FRMD6: variants seen among roughly 807,000 people sequenced by gnomAD.
FRMD6 encodes FERM domain containing 6, also known as FERM domain-containing protein 6.
Under a neutral mutation model 73.2 loss-of-function variants are expected in FRMD6, and 37 were observed. The observed-to-expected ratio is 0.51, with a 90% CI of 0.39 to 0.66. The LOEUF is 0.66. Ranked by LOEUF, FRMD6 falls within the 30% of genes least tolerant of loss-of-function variation. The probability of loss-of-function intolerance (pLI) is 0.00; values close to 1 mark genes in which losing one functional copy is unlikely to be tolerated. For missense variants in FRMD6, 714 were observed against 780.5 expected (o/e 0.91, Z 1.02); for synonymous variants, 273 against 282.2 (o/e 0.97, Z 0.33).
At chr14:51,652,415 C>T (rs991048747) in intron 1 of FRMD6, among the ~76,000 whole-genome samples, 1 of 152,302 alleles carries the variant, frequency 6.6e-6, no homozygotes, top group East Asian at 1.9e-4. Context: ...CGCGGAGGTC[C>T]CCGGATCACA....
chr14:51,593,291 C>T (rs1425559257), intron 2 of FRMD6, among the ~76,000 whole-genome samples: 1 of 152,200 alleles, frequency 6.6e-6, no homozygotes, highest in Admixed American at 6.5e-5. Context: ...AATGTAGCCT[C>T]TAATGCAGCC....
At position 51,704,922 on chromosome 14, in the gene FRMD6, A is replaced by G; in HGVS notation, c.545A>G (p.Tyr182Cys). 1 of 1,606,368 alleles carries G rather than the reference A, an allele frequency of 6.2e-7. No individual in the cohort carries two copies. The highest frequency in any genetic ancestry group is 8.5e-7 in the Non-Finnish European group (1 of 1,174,332). The change falls in exon 6 of 14, where the codon TAC (tyrosine) becomes TGC (cysteine). Residue 182 changes from tyrosine (Y) to cysteine (C), a missense_variant. Physicochemically the swap from Tyr to Cys is radical, Grantham distance 194. Transcript: ENST00000344768. ...HYGKYFEPEAYFPSWVVSKRG... is the reference protein window; with the variant it reads ...HYGKYFEPEACFPSWVVSKRG... ...GGAAAATACTTCGAGCCAGAGGCTT[A>G]CTTCCCATCTTGGGTAAGCACTGTT...
intron 1 of FRMD6, among the ~76,000 whole-genome samples, chr14:51,508,315 C>G (rs1884094290): frequency 6.6e-6 from 1 of 152,240 alleles, no homozygotes; most frequent in Non-Finnish European, 1.5e-5. Context: ...AGCAATTTAG[C>G]CAGAGTCTGT....
chr14:51,430,077 C>T, the FRMD6 span, among the ~76,000 whole-genome samples: 2 of 152,224 alleles, frequency 1.3e-5, no homozygotes, highest in African/African-American at 4.8e-5. Context: ...TGCATTCTTT[C>T]ATTCCATAAG....
intron 2 of FRMD6, among the ~76,000 whole-genome samples, chr14:51,622,259 C>G (rs1890953493): frequency 6.6e-6 from 1 of 152,192 alleles, no homozygotes; most frequent in Admixed American, 6.5e-5. Flanking sequence ...CCCAAATTTC[C>G]AATCCTTCAG....
At chr14:51,457,382 C>T in the FRMD6 span, among the ~76,000 whole-genome samples, 3,697 of 151,854 alleles carry the variant, frequency 0.024, 122 homozygotes, top group African/African-American at 0.078. Context: ...AGAAGAAAAA[C>T]GAACCAATGA....
chr14:51,488,597 GA>G (rs1053845010), upstream of FRMD6, among the ~76,000 whole-genome samples: 13 of 152,138 alleles, frequency 8.5e-5, no homozygotes, highest in African/African-American at 3.1e-4. Context: ...CCTTATCTTT[GA>G]AATGTCTTCT....
intron 2 of FRMD6, among the ~76,000 whole-genome samples, chr14:51,574,349 T>G (rs1168820014): frequency 2.6e-5 from 4 of 152,232 alleles, no homozygotes; most frequent in Non-Finnish European, 5.9e-5. Context: ...CCACAGAGCC[T>G]TTAAAGCTAC....
chr14:51,467,237 A>G, the FRMD6 span, among the ~76,000 whole-genome samples: 1 of 104,140 alleles, frequency 9.6e-6, no homozygotes, highest in Non-Finnish European at 2.0e-5. Context: ...TAATCCATTT[A>G]ACCCTTAGTG....
At chr14:51,560,319 T>C (rs990494283) in intron 1 of FRMD6, among the ~76,000 whole-genome samples, 2 of 152,220 alleles carry the variant, frequency 1.3e-5, no homozygotes, top group Non-Finnish European at 2.9e-5. Flanking sequence ...ATCAGTGTCA[T>C]ATATTTATGT....
intron 1 of FRMD6, among the ~76,000 whole-genome samples, chr14:51,493,830 C>T (rs1456957490): frequency 6.6e-6 from 1 of 152,122 alleles, no homozygotes; most frequent in African/African-American, 2.4e-5. Flanking sequence ...TCAGTCTGTT[C>T]AGGCTGCTAT....
At chr14:51,702,645 A>G (rs1896396696) in intron 5 of FRMD6, 57 bp downstream of exon 5, 2 of 1,313,458 alleles carry the variant, frequency 1.5e-6, no homozygotes, top group Non-Finnish European at 1.1e-6. Context: ...CACTTTTTCT[A>G]ACATACCAAA....
At chr14:51,484,001 T>C in the FRMD6 span, among the ~76,000 whole-genome samples, 5 of 152,098 alleles carry the variant, frequency 3.3e-5, no homozygotes, top group Non-Finnish European at 4.4e-5. Flanking sequence ...TTATGAAGAG[T>C]GTGTGCTATT....
intron 2 of FRMD6, among the ~76,000 whole-genome samples, chr14:51,613,828 AT>A (rs1890607592): frequency 6.6e-6 from 1 of 152,166 alleles, no homozygotes. Flanking sequence ...TAGTGGCCAT[AT>A]TTTTTAAAGT....
Position 51,720,372 on chromosome 14 carries a change from G to A in FRMD6, c.1342G>A (p.Glu448Lys), listed in dbSNP as rs141292576. 2.5e-6 allele frequency: 4 copies of A among 1,613,470 alleles called. No individual in the cohort carries two copies. In the Admixed American group the frequency reaches 5.0e-5, roughly 20 times the overall value. The change falls in exon 11 of 14, where the codon GAG becomes AAG. Residue 448 changes from glutamate (E) to lysine (K), a missense_variant. Glu to Lys is a moderately conservative substitution (Grantham distance 56). Coordinates refer to ENST00000344768, the MANE Select transcript of FRMD6 (RefSeq NM_001267046.2). ...GAGTGGCGGCAAAGACCGGCTGGAA[G>A]AGGACTTACAGGACGATGGTAACAG... ...VESGGKDRLE[E>K]DLQDDEIEML... is the part of the protein sequence containing the mutation.
chr14:51,464,720 A>G, the FRMD6 span, among the ~76,000 whole-genome samples: 1 of 152,274 alleles, frequency 6.6e-6, no homozygotes, highest in South Asian at 2.1e-4. Flanking sequence ...TCCAGACAGA[A>G]CGTAGAGTGG....
chr14:51,570,848 T>TA (rs1476056501), intron 2 of FRMD6, among the ~76,000 whole-genome samples: 1 of 152,250 alleles, frequency 6.6e-6, no homozygotes, highest in African/African-American at 2.4e-5. Flanking sequence ...ATTCCTCATT[T>TA]AACAAGCTTG....
chr14:51,468,777 G>A, the FRMD6 span, among the ~76,000 whole-genome samples: 1 of 152,092 alleles, frequency 6.6e-6, no homozygotes, highest in African/African-American at 2.4e-5. Flanking sequence ...CAATTTACTC[G>A]AGTTTCTTTT....
intron 2 of FRMD6, among the ~76,000 whole-genome samples, chr14:51,638,488 G>GCTGA (rs1300415288): frequency 6.6e-6 from 1 of 152,128 alleles, no homozygotes; most frequent in Non-Finnish European, 1.5e-5. Context: ...GGGAGCCACA[G>GCTGA]CTGACAGATG....
Sources: gnomAD v4.1 joint callset for allele counts (sites outside exome capture counted in the v4.1 genomes callset) on GRCh38, gnomAD v4.1.1 for gene constraint, MANE v1.5 for transcripts, NCBI Gene and HGNC (gene_info 2026-07-23, HGNC 2026-07-21) for gene names.